Variants in MAPKBP1 observed in about 807,000 individuals in gnomAD.
The protein encoded by MAPKBP1 is mitogen-activated protein kinase binding protein 1.
A neutral mutation model predicts 170.5 loss-of-function variants in MAPKBP1; 71 were observed. The ratio of observed to expected loss-of-function variants is 0.42; its 90% CI spans 0.34 to 0.51. The LOEUF (loss-of-function observed/expected upper bound fraction) is 0.51. MAPKBP1 is among the 20% of genes least tolerant of loss of function. MAPKBP1 has a pLI of 0.06. For synonymous variants in MAPKBP1, 719 were observed against 757.9 expected, an observed-to-expected ratio of 0.95 and a Z score of 0.84; for missense variants, 1,598 against 1,933.0, an observed-to-expected ratio of 0.83 and a Z score of 3.25.
chr15:41,823,626 G>A lies in MAPKBP1; in HGVS notation c.3778G>A (p.Glu1260Lys), dbSNP rs757303127. ...GATATCCCGCAGTATCTCTGTTGGG[G>A]AGAACCTGGGCCTGGTGGCTGAACC... is the stretch of plus-strand genomic sequence containing the variant. ...AKISRSISVG[E>K]NLGLVAEPQA... The change falls in exon 29 of 31, where the codon GAG becomes AAG. Residue 1260 changes from glutamate to lysine, a missense_variant. Transcript: ENST00000457542. 5 of 1,614,010 alleles carry A rather than the reference G, an allele frequency of 3.1e-6. No homozygotes were observed. The highest frequency in any genetic ancestry group is 4.5e-5 in the East Asian group (2 of 44,896).
intron 21 of MAPKBP1, 39 bp from the exon 22 acceptor site, chr15:41,819,556 G>C (rs765986237): frequency 2.6e-5 from 35 of 1,347,458 alleles, no homozygotes; most frequent in African/African-American, 4.9e-5. Flanking sequence ...GCGGGGGGGG[G>C]GCAGGAGACA....
chr15:41,821,920 A>AC (rs1567155501), intron 24 of MAPKBP1, 45 bp from the exon 25 acceptor site: 1 of 1,597,090 alleles, frequency 6.3e-7, no homozygotes, highest in East Asian at 2.3e-5. Flanking sequence ...GCTGCTGCCT[A>AC]CCCCTGCTCA....
chr15:41,800,941 C>T (rs1324386389), intron 3 of MAPKBP1, among the ~76,000 whole-genome samples: 2 of 151,900 alleles, frequency 1.3e-5, no homozygotes, highest in Non-Finnish European at 2.9e-5. Flanking sequence ...AACTCTATTG[C>T]CTAGGCTAGT....
intron 5 of MAPKBP1, chr15:41,811,752 A>G (rs907568947): frequency 7.1e-6 from 5 of 702,278 alleles, no homozygotes; most frequent in Non-Finnish European, 1.3e-5. Context: ...GATGCTGACT[A>G]AAATCCGGGG....
At chr15:41,792,560 C>T (rs964010290) in intron 2 of MAPKBP1, among the ~76,000 whole-genome samples, 4 of 152,188 alleles carry the variant, frequency 2.6e-5, no homozygotes, top group African/African-American at 9.7e-5. Flanking sequence ...AGTGGGTCCT[C>T]TCTTCTTCCT....
At chr15:41,783,297 C>T (rs1371292867) in intron 2 of MAPKBP1, among the ~76,000 whole-genome samples, 6 of 152,160 alleles carry the variant, frequency 3.9e-5, no homozygotes, top group East Asian at 1.9e-4. Flanking sequence ...ATACAACTGA[C>T]CTTGTTTTTG....
chr15:41,811,836 G>A, intron 5 of MAPKBP1, 121 bp from the exon 6 acceptor site: 1 of 951,722 alleles, frequency 1.1e-6, no homozygotes, highest in Non-Finnish European at 1.7e-6. Context: ...CCTGACTTTT[G>A]GCTGGGGAAG....
chr15:41,815,230 G>A (rs2064869547), intron 10 of MAPKBP1, 29 bp from the exon 11 acceptor site: 3 of 1,613,544 alleles, frequency 1.9e-6, no homozygotes, highest in African/African-American at 1.3e-5. Flanking sequence ...CCGAATGGAG[G>A]TCTGATTGTG....
At chr15:41,816,186 C>T (rs1324430740) in intron 12 of MAPKBP1, 1 of 337,606 alleles carries the variant, frequency 3.0e-6, no homozygotes, top group East Asian at 5.6e-5. Flanking sequence ...AAGGAAAGAC[C>T]AGAGAACTGT....
At chr15:41,797,011 G>A (rs753871886) in intron 2 of MAPKBP1, among the ~76,000 whole-genome samples, 4 of 152,136 alleles carry the variant, frequency 2.6e-5, no homozygotes, top group African/African-American at 7.2e-5. Context: ...ATGCACACAC[G>A]TCTCTATATA....
chr15:41,790,645 GTT>G (rs1470648793), intron 2 of MAPKBP1, among the ~76,000 whole-genome samples: 1 of 151,612 alleles, frequency 6.6e-6, no homozygotes, highest in Non-Finnish European at 1.5e-5. Context: ...CCCTTTTTTT[GTT>G]TGTTTGTCAC....
In MAPKBP1 at chr15:41,810,954, G is replaced by C; in HGVS notation, c.269+9G>C. The C allele has an allele frequency of 6.2e-7, 1 of 1,614,156 alleles. No individual in the cohort carries two copies. The highest frequency in any genetic ancestry group is 8.5e-7 in the Non-Finnish European group (1 of 1,180,014). Reference sequence around the variant, plus strand: ...ATCCTCAACAGTTCCAGGTAAATGGGCTGGGGTCCTCAGGATACCTCTTCC... The same window carrying C: ...ATCCTCAACAGTTCCAGGTAAATGGCCTGGGGTCCTCAGGATACCTCTTCC... On this transcript the variant is annotated intron_variant, in intron 4 of 30. Transcript: ENST00000457542.
intron 3 of MAPKBP1, 59 bp downstream of exon 3, chr15:41,799,973 A>C (rs2064561460): frequency 1.4e-6 from 2 of 1,404,546 alleles, no homozygotes; most frequent in South Asian, 1.2e-5. Flanking sequence ...ACGCTAGAGC[A>C]GTTGGGATGG....
intron 6 of MAPKBP1, 36 bp downstream of exon 6, chr15:41,812,163 A>G: frequency 6.2e-7 from 1 of 1,612,168 alleles, no homozygotes; most frequent in East Asian, 2.2e-5. Context: ...GCAGCCTCAC[A>G]GGGGTCAAGT....
At chr15:41,819,063 C>A (rs891987490) in intron 20 of MAPKBP1, 106 bp downstream of exon 20, 8 of 1,533,498 alleles carry the variant, frequency 5.2e-6, no homozygotes, top group Non-Finnish European at 7.1e-6. Context: ...AACTCTGTCT[C>A]CCAAGACCTT....
At chr15:41,822,489 G>C (rs2065015895) in intron 26 of MAPKBP1, 67 bp downstream of exon 26, 1 of 1,603,236 alleles carries the variant, frequency 6.2e-7, no homozygotes, top group African/African-American at 1.3e-5. Context: ...CTACCTGAGA[G>C]GAGGGTCCCA....
At chr15:41,800,420 T>C (rs2152074237) in intron 3 of MAPKBP1, among the ~76,000 whole-genome samples, 1 of 152,184 alleles carries the variant, frequency 6.6e-6, no homozygotes, top group African/African-American at 2.4e-5. Flanking sequence ...GTTGGCTCAC[T>C]GCACCTCCGC....
Position 41,815,399 on chromosome 15 carries a change from C to A in MAPKBP1, c.1311C>A (p.Leu437=). Residue 437 remains leucine, a synonymous_variant, in exon 11 of 31, where the codon CTC becomes CTA. Coordinates refer to ENST00000457542, the MANE Select transcript of MAPKBP1 (RefSeq NM_014994.3). ...GCTCCACCCTCCACCGAAACATCCT[C>A]AGCAGTGTGAGCCCTGAGGCTGTGG... is the stretch of plus-strand genomic sequence containing the variant. The part of the protein sequence containing the change: ...VHGSTLHRNI[L]SSDLIKIIYV... 6.2e-7 allele frequency: 1 copy of A among 1,614,206 alleles called. No homozygotes were observed. The highest frequency in any genetic ancestry group is 8.5e-7 in the Non-Finnish European group (1 of 1,180,028).
intron 3 of MAPKBP1, among the ~76,000 whole-genome samples, chr15:41,806,481 G>A (rs2064696396): frequency 1.3e-5 from 2 of 152,198 alleles, no homozygotes; most frequent in African/African-American, 4.8e-5. Flanking sequence ...GGTAGGAGGT[G>A]GATCCTATGG....
Sources: gnomAD v4.1 joint callset for allele counts (sites outside exome capture counted in the v4.1 genomes callset) on GRCh38, gnomAD v4.1.1 for gene constraint, MANE v1.5 for transcripts, NCBI Gene and HGNC (gene_info 2026-07-23, HGNC 2026-07-21) for gene names.